Variants in GRM5 observed in about 807,000 individuals in gnomAD.
The protein encoded by GRM5 is metabotropic glutamate receptor 5.
A neutral mutation model predicts 83.1 loss-of-function variants in GRM5; 19 were observed. That is an observed-to-expected ratio of 0.23 (90% CI 0.16 to 0.34). The LOEUF (loss-of-function observed/expected upper bound fraction) is 0.34, where lower values mean the gene tolerates loss of function less well. Among genes scored for constraint, GRM5 ranks in the 10% least tolerant of loss-of-function variants. The probability of loss-of-function intolerance (pLI) is 1.00; values close to 1 mark genes in which losing one functional copy is unlikely to be tolerated. For synonymous variants in GRM5, 675 were observed against 633.6 expected (o/e 1.07, Z -0.98); for missense variants, 1,160 against 1,588.3 (o/e 0.73, Z 4.58).
At chr11:88,735,739 T>C (rs1941898542) in intron 3 of GRM5, among the ~76,000 whole-genome samples, 1 of 152,038 alleles carries the variant, frequency 6.6e-6, no homozygotes, top group Non-Finnish European at 1.5e-5. Flanking sequence ...CATTTTAATC[T>C]CAAATCTGTG....
At chr11:88,813,257 C>T (rs1943615978) in intron 3 of GRM5, among the ~76,000 whole-genome samples, 1 of 152,060 alleles carries the variant, frequency 6.6e-6, no homozygotes, top group African/African-American at 2.4e-5. Flanking sequence ...ATGTTTGTAT[C>T]CCTGTGACTT....
At chr11:88,727,963 A>G (rs1565204136) in intron 3 of GRM5, among the ~76,000 whole-genome samples, 1 of 152,202 alleles carries the variant, frequency 6.6e-6, no homozygotes, top group Non-Finnish European at 1.5e-5. Flanking sequence ...CACAATTAAA[A>G]GAACTAGAAA....
At chr11:88,522,597 CTCTCTCTG>C in intron 9 of GRM5, among the ~76,000 whole-genome samples, 3 of 96,974 alleles carry the variant, frequency 3.1e-5, no homozygotes, top group Admixed American at 1.3e-4. Flanking sequence ...CGCTCTCTCT[CTCTCTCTG>C]TGTGTGTGTG....
rs916429961 is a variant in GRM5, at chr11:88,604,905, C to T, written c.1207G>A (p.Ala403Thr). The T allele has an allele frequency of 2.5e-6, 4 of 1,612,192 alleles. No homozygotes were observed. The highest frequency in any genetic ancestry group is 3.4e-6 in the Non-Finnish European group (4 of 1,178,324). The change falls in exon 5 of 10, where the codon GCC becomes ACC. Residue 403 changes from alanine (A) to threonine (T), a missense_variant. Physicochemically the swap from Ala to Thr is moderately conservative, Grantham distance 58. Around this residue, in one of 9 missense-constraint regions of GRM5, gnomAD observed 132 missense variants for 197.6 expected, o/e 0.67. Transcript: ENST00000305447. Reference sequence around the variant, plus strand: ...AGCCCATAGGCCATCGAATAGATGGCGTTGATCACAAATCCCATTTTGGAA... The same window carrying T: ...AGCCCATAGGCCATCGAATAGATGGTGTTGATCACAAATCCCATTTTGGAA... ...QDSKMGFVIN[A>T]IYSMAYGLHN...
At chr11:89,036,212 C>T (rs1941381477) in intron 2 of GRM5, among the ~76,000 whole-genome samples, 1 of 152,030 alleles carries the variant, frequency 6.6e-6, no homozygotes, top group African/African-American at 2.4e-5. Flanking sequence ...TAATGCCTCT[C>T]AACATATATC....
intron 2 of GRM5, among the ~76,000 whole-genome samples, chr11:88,981,511 A>G (rs1939521932): frequency 6.6e-6 from 1 of 152,182 alleles, no homozygotes; most frequent in Non-Finnish European, 1.5e-5. Context: ...ATTGGAATGG[A>G]TTACCAAAGG....
chr11:88,524,214 C>CTTTCTTTCTTTCTTTTTTTTTTTTTTTT (rs1555060035), intron 9 of GRM5, among the ~76,000 whole-genome samples: 1 of 101,408 alleles, frequency 9.9e-6, no homozygotes, highest in Non-Finnish European at 1.9e-5. Context: ...TTCTTTCTTT[C>CTTTCTTTCTTTCTTTTTTTTTTTTTTTT]TTTTTTTTTT....
At chr11:88,840,658 C>T (rs10765803) in intron 3 of GRM5, among the ~76,000 whole-genome samples, 2,623 of 152,260 alleles carry the variant, frequency 0.017, 45 homozygotes, top group East Asian at 0.068. Flanking sequence ...ATAATTTTTC[C>T]AGACTTTCAT....
At chr11:88,743,343 T>A (rs964302572) in intron 3 of GRM5, among the ~76,000 whole-genome samples, 19 of 152,146 alleles carry the variant, frequency 1.2e-4, no homozygotes, top group African/African-American at 4.6e-4. Flanking sequence ...GTTTTACTAG[T>A]ACAAGATTCT....
intron 2 of GRM5, among the ~76,000 whole-genome samples, chr11:88,888,717 A>G (rs1945088019): frequency 6.6e-6 from 1 of 152,122 alleles, no homozygotes; most frequent in African/African-American, 2.4e-5. Context: ...TTTTCTGAAA[A>G]GTTTTAATTA....
At chr11:88,701,869 G>A (rs970830220) in intron 3 of GRM5, among the ~76,000 whole-genome samples, 1 of 152,110 alleles carries the variant, frequency 6.6e-6, no homozygotes, top group African/African-American at 2.4e-5. Flanking sequence ...GTGACCTGTA[G>A]GGTTACATGA....
Position 88,743,183 on chromosome 11 carries a change from G to T in GRM5, c.912-89780C>A, listed in dbSNP as rs1903846. Among the ~76,000 whole-genome samples the T allele has an allele frequency of 8.9e-4, 135 of 151,970 alleles. 1 individual carries two copies. The highest frequency in any genetic ancestry group is 3.3e-3 in the South Asian group (16 of 4,820). ...CAGGACCCACAGTTTTAAGGGAAAA[G>T]GGTGATGGACCATCTCACTTCTTCT... On this transcript the variant is annotated intron_variant, in intron 3 of 9. Transcript: ENST00000305447.
At chr11:88,652,128 A>G (rs760525500) in intron 4 of GRM5, among the ~76,000 whole-genome samples, 74 of 151,998 alleles carry the variant, frequency 4.9e-4, no homozygotes, top group Non-Finnish European at 7.1e-4. Flanking sequence ...ACTAACAAAA[A>G]CTTATCAGAG....
At chr11:88,748,611 G>C (rs1046935528) in intron 3 of GRM5, among the ~76,000 whole-genome samples, 1 of 152,118 alleles carries the variant, frequency 6.6e-6, no homozygotes, top group Non-Finnish European at 1.5e-5. Context: ...GCTTCTCTGG[G>C]CAGGTCCCTG....
chr11:88,692,476 C>A (rs1258993471), intron 3 of GRM5, among the ~76,000 whole-genome samples: 1 of 152,160 alleles, frequency 6.6e-6, no homozygotes, highest in Non-Finnish European at 1.5e-5. Flanking sequence ...CCAACCCCCC[C>A]ACAGGCCCTT....
chr11:88,682,385 T>C lies in GRM5; in HGVS notation c.912-28982A>G, dbSNP rs1469312662. On this transcript the variant is annotated intron_variant, in intron 3 of 9. Coordinates refer to ENST00000305447, the MANE Select transcript of GRM5 (RefSeq NM_001143831.3). ...GCAATTACCTAGCCTTGGGGAATAA[T>C]GATTTTAAGTGCTGAGCTTACAATT... Among the ~76,000 whole-genome samples the C allele has an allele frequency of 3.9e-5, 6 of 152,116 alleles. No individual in the cohort carries two copies. In the East Asian group the frequency reaches 7.7e-4, roughly 20 times the overall value.
chr11:88,983,073 A>AC (rs758787768), intron 2 of GRM5, among the ~76,000 whole-genome samples: 12,238 of 152,112 alleles, frequency 0.08, 1,534 homozygotes, highest in African/African-American at 0.27. Flanking sequence ...TCACACACAC[A>AC]AACACAAAAT....
intron 7 of GRM5, among the ~76,000 whole-genome samples, chr11:88,583,114 G>GT (rs111498481): frequency 0.01 from 1,530 of 145,778 alleles, 17 homozygotes; most frequent in African/African-American, 0.033. Context: ...TTATTAAAAG[G>GT]CAAAAAAAAA....
intron 2 of GRM5, among the ~76,000 whole-genome samples, chr11:88,907,335 A>C (rs188372334): frequency 2.6e-5 from 4 of 152,278 alleles, no homozygotes; most frequent in African/African-American, 9.6e-5. Context: ...GGACCACAGG[A>C]GTCTCCTCCT....
Sources: allele counts gnomAD v4.1 joint callset (sites outside exome capture counted in the v4.1 genomes callset), GRCh38; gene constraint gnomAD v4.1.1; regional missense constraint gnomAD v4.1.1; transcripts MANE v1.5; gene names NCBI Gene and HGNC (gene_info 2026-07-23, HGNC 2026-07-21).